Variants in SIL1 observed in about 807,000 individuals in gnomAD.
SIL1 encodes the protein SIL1 nucleotide exchange factor, also known as nucleotide exchange factor SIL1.
Under a neutral mutation model 49.1 loss-of-function variants are expected in SIL1, and 40 were observed. The ratio of observed to expected loss-of-function variants is 0.81; its 90% CI spans 0.63 to 1.06. The LOEUF is 1.06. Among genes scored for constraint, SIL1 ranks in the 50% least tolerant of loss-of-function variants. The pLI, the probability that SIL1 is intolerant of heterozygous loss-of-function variation, is 0.00. For synonymous variants in SIL1, 253 were observed against 250.8 expected (o/e 1.01, Z -0.08); for missense variants, 500 against 572.6 (o/e 0.87, Z 1.29).
chr5:139,035,887 G>T (rs2150440522), intron 5 of SIL1: 1 of 153,830 alleles, frequency 6.5e-6, no homozygotes, highest in Non-Finnish European at 1.4e-5. Flanking sequence ...TCTGACCCGT[G>T]ATCCACCCGC....
intron 1 of SIL1, among the ~76,000 whole-genome samples, chr5:139,174,108 G>C (rs1164982381): frequency 2.0e-5 from 3 of 151,762 alleles, no homozygotes; most frequent in Non-Finnish European, 2.9e-5. Flanking sequence ...AGATCAATGA[G>C]ATAGAGAATA....
chr5:139,197,720 T>G (rs572777847), intron 1 of SIL1, among the ~76,000 whole-genome samples: 1 of 152,246 alleles, frequency 6.6e-6, no homozygotes, highest in African/African-American at 2.4e-5. Context: ...GGGGTACAGC[T>G]GCCCACGCAC....
In SIL1 at chr5:138,947,314, C is replaced by A; in HGVS notation, c.1189G>T (p.Val397Leu). The stretch of plus-strand genomic sequence containing the variant: ...AGGAGGACGCCCAGTGTCTGCAGCA[C>A]CTTCTCACGGGCATCATGCTCGGGC... ...ALPEHDAREK[V>L]LQTLGVLLTT... is the part of the protein sequence containing the mutation. Residue 397 changes from valine (V) to leucine (L), a missense_variant, in exon 10 of 10, where the codon GTG (valine) becomes TTG (leucine). Transcript: ENST00000394817. This position sits in a 1 kb window ranked among gnomAD's most constrained non-coding sequence, Gnocchi z 4.1. 2 of 1,613,568 alleles carry A rather than the reference C, an allele frequency of 1.2e-6. No homozygotes were observed. The highest frequency in any genetic ancestry group is 1.7e-6 in the Non-Finnish European group (2 of 1,180,024).
intron 3 of SIL1, among the ~76,000 whole-genome samples, chr5:139,056,642 G>A (rs1182906678): frequency 7.0e-6 from 1 of 143,842 alleles, no homozygotes; most frequent in East Asian, 2.0e-4. Context: ...CAAGGAGGGA[G>A]GTGGGGGGGT....
intron 4 of SIL1, among the ~76,000 whole-genome samples, chr5:139,044,209 A>G (rs1318718130): frequency 6.6e-6 from 1 of 152,216 alleles, no homozygotes; most frequent in African/African-American, 2.4e-5. Flanking sequence ...ACAATGCTAC[A>G]AAGTAGGGAG....
At chr5:139,169,995 T>C (rs1386203894) in intron 1 of SIL1, among the ~76,000 whole-genome samples, 1 of 152,248 alleles carries the variant, frequency 6.6e-6, no homozygotes, top group African/African-American at 2.4e-5. Flanking sequence ...GCCTGCCAAG[T>C]GCCTGCGATT....
At chr5:139,111,291 TTC>T (rs1770832676) in intron 3 of SIL1, among the ~76,000 whole-genome samples, 1 of 152,222 alleles carries the variant, frequency 6.6e-6, no homozygotes, top group African/African-American at 2.4e-5. Flanking sequence ...CTGTGTCCCT[TTC>T]TAGCCTCTGC....
At chr5:139,073,183 T>A (rs1275854736) in intron 3 of SIL1, among the ~76,000 whole-genome samples, 19 of 152,194 alleles carry the variant, frequency 1.2e-4, no homozygotes, top group Admixed American at 1.0e-3. Context: ...TACCATATGA[T>A]CCAGTAATGC....
chr5:139,057,361 G>A (rs1003741564), intron 3 of SIL1, among the ~76,000 whole-genome samples: 1 of 150,998 alleles, frequency 6.6e-6, no homozygotes, highest in Non-Finnish European at 1.5e-5. Flanking sequence ...TAGCCTTCTG[G>A]TCCAAGAAGG....
At chr5:139,030,615 AAAAAAAAAAAGCAAGAAAG>A (rs1768765574) in intron 5 of SIL1, among the ~76,000 whole-genome samples, 1 of 148,330 alleles carries the variant, frequency 6.7e-6, no homozygotes, top group African/African-American at 2.5e-5. Context: ...GACCCTGTCA[AAAAAAAAAAAGCAAGAAAG>A]AAAAAAAAAA....
intron 7 of SIL1, among the ~76,000 whole-genome samples, chr5:139,005,281 T>C (rs992848242): frequency 2.6e-5 from 4 of 152,120 alleles, no homozygotes; most frequent in African/African-American, 9.7e-5. Flanking sequence ...AAAGAAGTTC[T>C]AGTTGTGTCA....
chr5:139,172,276 G>A lies in SIL1; in HGVS notation c.-11+25993C>T, dbSNP rs1237201131. On this transcript the variant is annotated intron_variant, in intron 1 of 9. Transcript: ENST00000394817. ...AAGCTCAACAAACTCCAAACAGGATGAATACAAAGAGACTCACACCAAGAC... is the reference window on the plus strand; with the variant it reads ...AAGCTCAACAAACTCCAAACAGGATAAATACAAAGAGACTCACACCAAGAC... Among the ~76,000 whole-genome samples, 5 of 152,304 alleles carry A rather than the reference G, an allele frequency of 3.3e-5. No individual in the cohort carries two copies. The East Asian group carries it at 5.8e-4, about 18-fold the overall frequency.
chr5:139,197,887 G>C (rs1363169003), intron 1 of SIL1, among the ~76,000 whole-genome samples: 1 of 150,552 alleles, frequency 6.6e-6, no homozygotes, highest in Non-Finnish European at 1.5e-5. Context: ...ATTCCACATG[G>C]GAAGAGACAC....
chr5:138,987,954 C>A (rs561892811), intron 7 of SIL1, among the ~76,000 whole-genome samples: 283 of 152,310 alleles, frequency 1.9e-3, no homozygotes, highest in Non-Finnish European at 3.1e-3. Context: ...CTGCCTCTGC[C>A]TCCCAAGTAG....
intron 1 of SIL1, among the ~76,000 whole-genome samples, chr5:139,162,444 G>C (rs1335650377): frequency 6.6e-6 from 1 of 152,100 alleles, no homozygotes; most frequent in Non-Finnish European, 1.5e-5. Flanking sequence ...TCAAAGCCTA[G>C]CAACCACAAA....
At chr5:139,135,230 C>A (rs1242172722) in intron 1 of SIL1, among the ~76,000 whole-genome samples, 1 of 152,136 alleles carries the variant, frequency 6.6e-6, no homozygotes, top group Non-Finnish European at 1.5e-5. Context: ...CTGGAACATC[C>A]CTGAGCCAGT....
At chr5:139,156,021 C>T (rs529746637) in intron 1 of SIL1, among the ~76,000 whole-genome samples, 48 of 152,142 alleles carry the variant, frequency 3.2e-4, no homozygotes, top group Non-Finnish European at 5.6e-4. Context: ...TCAGTAGAGA[C>T]GGGGTTTCTC....
chr5:139,004,985 C>A (rs919945665), intron 7 of SIL1, among the ~76,000 whole-genome samples: 4 of 152,066 alleles, frequency 2.6e-5, no homozygotes, highest in Non-Finnish European at 5.9e-5. Flanking sequence ...GTTGCTGGGG[C>A]AGGGGAGTAT....
rs561274074 is a variant in SIL1 at position 139,122,017 on chromosome 5, A to G, written c.106-844T>C. ...TAAGGCCTCAGGAAATTCGAACCAG[A>G]GGGTTCCGGAGCTCTGGGAAATTAC... On this transcript the variant is annotated intron_variant, in intron 2 of 9. Coordinates refer to ENST00000394817, the MANE Select transcript of SIL1 (RefSeq NM_022464.5). Among the ~76,000 whole-genome samples, 3 of 152,272 alleles carry G rather than the reference A, an allele frequency of 2.0e-5. No individual in the cohort carries two copies. In the South Asian group the frequency reaches 6.2e-4, roughly 32 times the overall value.
Sources: gnomAD v4.1 joint callset for allele counts (sites outside exome capture counted in the v4.1 genomes callset) on GRCh38, gnomAD v4.1.1 for gene constraint, Gnocchi (gnomAD v3.1) non-coding constraint, MANE v1.5 for transcripts, NCBI Gene and HGNC (gene_info 2026-07-23, HGNC 2026-07-21) for gene names.